EIPR1: variants seen among roughly 807,000 people sequenced by gnomAD.
EIPR1 encodes the protein EARP complex and GARP complex interacting protein 1.
Under a neutral mutation model 48.1 loss-of-function variants are expected in EIPR1, and 25 were observed. The observed-to-expected ratio is 0.52, with a 90% CI of 0.38 to 0.73. The LOEUF (loss-of-function observed/expected upper bound fraction) is 0.73. Ranked by LOEUF, EIPR1 falls within the 30% of genes least tolerant of loss-of-function variation. The pLI, the probability that EIPR1 is intolerant of heterozygous loss-of-function variation, is 0.00. For missense variants in EIPR1, 415 were observed against 506.2 expected, an observed-to-expected ratio of 0.82 and a Z score of 1.73; for synonymous variants, 204 against 201.9, an observed-to-expected ratio of 1.01 and a Z score of -0.09.
At position 3,251,963 on chromosome 2, in the gene EIPR1, T is replaced by G. The variant is rs1667012287; in HGVS notation, c.416+5336A>C. Among the ~76,000 whole-genome samples, 3 of 151,948 alleles carry G rather than the reference T, an allele frequency of 2.0e-5. No homozygotes were observed. The South Asian group carries it at 6.2e-4, about 32-fold the overall frequency. ...TGAATACTCCCTCTGTAGGAGTGAG[T>G]AATTCCAGATACCTTTACCTTAATC... On this transcript the variant is annotated intron_variant, in intron 4 of 8. Coordinates refer to ENST00000382125, the MANE Select transcript of EIPR1 (RefSeq NM_003310.5).
chr2:3,215,530 C>T (rs1338516588), intron 4 of EIPR1, among the ~76,000 whole-genome samples: 4 of 152,304 alleles, frequency 2.6e-5, no homozygotes, highest in South Asian at 2.1e-4. Context: ...CTCACCTCTG[C>T]GATAAAGCCA....
chr2:3,309,812 C>T (rs958967581), intron 3 of EIPR1, among the ~76,000 whole-genome samples: 10 of 152,214 alleles, frequency 6.6e-5, no homozygotes, highest in African/African-American at 4.8e-5. Context: ...CTAACACCCC[C>T]CTTACTACCT....
chr2:3,234,091 G>A (rs1286393714), intron 4 of EIPR1, among the ~76,000 whole-genome samples: 1 of 152,148 alleles, frequency 6.6e-6, no homozygotes, highest in African/African-American at 2.4e-5. Context: ...GCTGGATTAG[G>A]CCCAGGGCCA....
At chr2:3,354,750 A>G (rs1028600569) in intron 1 of EIPR1, 117 bp from the exon 2 acceptor site, 4 of 1,129,392 alleles carry the variant, frequency 3.5e-6, no homozygotes, top group African/African-American at 1.6e-5. Context: ...ATAAATTAGT[A>G]CAGAGTGTCT....
chr2:3,305,412 C>A (rs907174847), intron 3 of EIPR1, among the ~76,000 whole-genome samples: 4 of 151,154 alleles, frequency 2.6e-5, no homozygotes, highest in Admixed American at 6.6e-5. Context: ...CCCTCCAATC[C>A]CATCTAGTTC....
intron 3 of EIPR1, among the ~76,000 whole-genome samples, chr2:3,264,718 C>G (rs967328842): frequency 1.3e-5 from 2 of 151,934 alleles, no homozygotes; most frequent in African/African-American, 2.4e-5. Flanking sequence ...GTTTTGAGAC[C>G]GAGTCTCGCT....
At chr2:3,275,163 C>T (rs1278664259) in intron 3 of EIPR1, among the ~76,000 whole-genome samples, 2 of 152,076 alleles carry the variant, frequency 1.3e-5, no homozygotes, top group Non-Finnish European at 1.5e-5. Context: ...ACATTGTTTA[C>T]AAGACATATC....
chr2:3,352,439 A>C (rs889968149), intron 2 of EIPR1, among the ~76,000 whole-genome samples: 2 of 151,074 alleles, frequency 1.3e-5, no homozygotes, highest in Admixed American at 1.3e-4. Flanking sequence ...TGAGCCAACC[A>C]CACTGTCTGT....
At chr2:3,229,409 C>T (rs992045807) in intron 4 of EIPR1, among the ~76,000 whole-genome samples, 3 of 152,220 alleles carry the variant, frequency 2.0e-5, no homozygotes, top group Non-Finnish European at 2.9e-5. Flanking sequence ...AACACCAAAA[C>T]AGTGATGTTT....
At chr2:3,210,075 G>A (rs1190033408) in intron 5 of EIPR1, among the ~76,000 whole-genome samples, 1 of 152,020 alleles carries the variant, frequency 6.6e-6, no homozygotes, top group Admixed American at 6.6e-5. Flanking sequence ...GATAACAAAG[G>A]TCCCACGCCA....
intron 3 of EIPR1, among the ~76,000 whole-genome samples, chr2:3,267,822 T>G (rs531132650): frequency 6.6e-6 from 1 of 152,252 alleles, no homozygotes; most frequent in Non-Finnish European, 1.5e-5. Flanking sequence ...AGAGACCGAA[T>G]GGCCTACAAA....
chr2:3,368,073 C>G (rs533771690), intron 1 of EIPR1, among the ~76,000 whole-genome samples: 5 of 152,170 alleles, frequency 3.3e-5, no homozygotes, highest in African/African-American at 1.2e-4. Context: ...AAAATTTAAT[C>G]TCCATCTTCC....
chr2:3,204,413 G>C (rs773330366), intron 5 of EIPR1, among the ~76,000 whole-genome samples: 2 of 152,238 alleles, frequency 1.3e-5, no homozygotes, highest in African/African-American at 4.8e-5. Flanking sequence ...ACTCAGGGCA[G>C]ACGGTGCAGT....
chr2:3,350,975 G>C (rs1221548456), intron 2 of EIPR1, among the ~76,000 whole-genome samples: 1 of 142,384 alleles, frequency 7.0e-6, no homozygotes, highest in Non-Finnish European at 1.5e-5. Flanking sequence ...AATTAAGGTA[G>C]ATTAAAACAC....
chr2:3,247,048 GGAGAGAGGGAGGGAGA>G lies in EIPR1; in HGVS notation c.416+10235_416+10250del, dbSNP rs1666851534. On this transcript the variant is annotated intron_variant, in intron 4 of 8. Coordinates refer to ENST00000382125, the MANE Select transcript of EIPR1 (RefSeq NM_003310.5). Reference sequence around the variant, plus strand: ...GAGAGCGAGGGAGGGAGAGAGGGAGGGAGAGAGGGAGGGAGAGAGGGAGGGAGAGAGGGAGGGAGAG... The same window carrying G: ...GAGAGCGAGGGAGGGAGAGAGGGAGGGAGGGAGGGAGAGAGGGAGGGAGAG... 1.4e-4 allele frequency among the ~76,000 whole-genome samples: 2 copies of G among 14,470 alleles called. 1 individual carries two copies. The highest frequency in any genetic ancestry group is 1.7e-3 in the Admixed American group (2 of 1,192). The allele number at this position is 14,470 out of a possible 152,430, so 9.5% of individuals were successfully genotyped here. A position where few individuals can be genotyped will look rare whatever the true frequency, so the allele number is the denominator to read the frequency against.
intron 3 of EIPR1, among the ~76,000 whole-genome samples, chr2:3,274,172 T>G (rs1667779350): frequency 6.6e-6 from 1 of 152,080 alleles, no homozygotes. Flanking sequence ...ACTGTACCCT[T>G]AAGTGGGGTG....
intron 1 of EIPR1, among the ~76,000 whole-genome samples, chr2:3,362,649 C>CAAAA (rs34072545): frequency 1.0e-5 from 1 of 100,368 alleles, no homozygotes; most frequent in Non-Finnish European, 2.0e-5. Flanking sequence ...GACTCTGTCT[C>CAAAA]AAAAAAAAAA....
intron 1 of EIPR1, among the ~76,000 whole-genome samples, chr2:3,367,107 T>TAAA (rs34760448): frequency 2.1e-5 from 3 of 142,708 alleles, no homozygotes; most frequent in African/African-American, 5.2e-5. Flanking sequence ...CTGATGAAAT[T>TAAA]AAAAAAAAAA....
At chr2:3,203,025 T>C (rs1056603831) in intron 5 of EIPR1, among the ~76,000 whole-genome samples, 2 of 152,210 alleles carry the variant, frequency 1.3e-5, no homozygotes, top group African/African-American at 4.8e-5. Context: ...AAGAAATCAC[T>C]CAACAAATAC....
Sources: allele counts gnomAD v4.1 joint callset (sites outside exome capture counted in the v4.1 genomes callset), GRCh38; gene constraint gnomAD v4.1.1; transcripts MANE v1.5; gene names NCBI Gene and HGNC (gene_info 2026-07-23, HGNC 2026-07-21).